LRRTM4: variants seen among roughly 807,000 people sequenced by gnomAD.
LRRTM4 encodes leucine rich repeat transmembrane neuronal 4, also known as leucine-rich repeat transmembrane neuronal protein 4.
LRRTM4 carries 25 observed loss-of-function variants against 47.6 expected under a neutral mutation model. That is an observed-to-expected ratio of 0.53 (90% CI 0.38 to 0.73). The LOEUF (loss-of-function observed/expected upper bound fraction) is 0.73, where lower values mean the gene tolerates loss of function less well. LRRTM4 is among the 30% of genes least tolerant of loss of function. The pLI, the probability that LRRTM4 is intolerant of heterozygous loss-of-function variation, is 0.00. For missense variants in LRRTM4, 638 were observed against 713.4 expected (o/e 0.89, Z 1.20); for synonymous variants, 311 against 269.5 (o/e 1.15, Z -1.51).
At chr2:77,279,886 A>G (rs758866603) in intron 3 of LRRTM4, among the ~76,000 whole-genome samples, 4 of 151,872 alleles carry the variant, frequency 2.6e-5, no homozygotes, top group Admixed American at 6.6e-5. Flanking sequence ...AAAAAACAAT[A>G]CTTGTCTTAG....
intron 3 of LRRTM4, among the ~76,000 whole-genome samples, chr2:77,188,387 A>T (rs1673571662): frequency 6.6e-6 from 1 of 152,010 alleles, no homozygotes; most frequent in Admixed American, 6.6e-5. Context: ...GACTTTGTTA[A>T]TTTTTCCTTC....
intron 3 of LRRTM4, among the ~76,000 whole-genome samples, chr2:76,999,888 T>C (rs751879660): frequency 3.3e-4 from 51 of 152,300 alleles, no homozygotes; most frequent in Middle Eastern, 3.4e-3. Context: ...GTGGTTTTCA[T>C]TCTACCTTAA....
At chr2:76,838,468 T>C (rs770456634) in intron 3 of LRRTM4, among the ~76,000 whole-genome samples, 3 of 152,134 alleles carry the variant, frequency 2.0e-5, no homozygotes, top group Non-Finnish European at 4.4e-5. Context: ...CTATTATTAA[T>C]GATAGTGTAA....
intron 3 of LRRTM4, among the ~76,000 whole-genome samples, chr2:77,102,598 A>G (rs193154877): frequency 1.2e-3 from 179 of 152,326 alleles, no homozygotes; most frequent in Non-Finnish European, 2.2e-3. Context: ...ATATAATACC[A>G]TCATAGGGCA....
chr2:76,948,819 C>T (rs572612500), intron 3 of LRRTM4, among the ~76,000 whole-genome samples: 2 of 151,830 alleles, frequency 1.3e-5, no homozygotes, highest in Admixed American at 1.3e-4. Flanking sequence ...CAGCAATACT[C>T]AATAATGAAA....
rs138889433 is a variant in LRRTM4, at chr2:77,450,285, G to GCACA, written c.1551+68029_1551+68032dup. ...CCGTCTCTCTCTCTCTCTCTGTCAT[G>GCACA]CACACACACACACACACACACACAA... On this transcript the variant is annotated intron_variant, in intron 3 of 3. Coordinates refer to ENST00000409884, the MANE Select transcript of LRRTM4 (RefSeq NM_001134745.3). Among the ~76,000 whole-genome samples, 444 of 143,998 alleles carry GCACA rather than the reference G, an allele frequency of 3.1e-3. 3 individuals carry two copies. The highest frequency in any genetic ancestry group is 7.4e-3 in the Middle Eastern group (2 of 272). The allele number at this position is 143,998 out of a possible 152,430, so 94.5% of individuals were successfully genotyped here.
intron 3 of LRRTM4, among the ~76,000 whole-genome samples, chr2:77,488,239 C>T (rs1469544191): frequency 6.6e-6 from 1 of 152,204 alleles, no homozygotes; most frequent in Non-Finnish European, 1.5e-5. Flanking sequence ...GGTGCCAGCA[C>T]TGGAAGCCAC....
chr2:76,877,360 G>T (rs2104086213), intron 3 of LRRTM4, among the ~76,000 whole-genome samples: 1 of 149,270 alleles, frequency 6.7e-6, no homozygotes, highest in South Asian at 2.1e-4. Flanking sequence ...AATGATTTTG[G>T]TAGCAAAATT....
chr2:76,964,371 T>C (rs1241404437), intron 3 of LRRTM4, among the ~76,000 whole-genome samples: 3 of 151,016 alleles, frequency 2.0e-5, no homozygotes, highest in African/African-American at 7.3e-5. Context: ...GAGGAAATAA[T>C]TTTACAGATA....
intron 3 of LRRTM4, among the ~76,000 whole-genome samples, chr2:76,865,423 A>C (rs1414224801): frequency 6.6e-6 from 1 of 152,212 alleles, no homozygotes; most frequent in Non-Finnish European, 1.5e-5. Flanking sequence ...GCTATTTTTG[A>C]ATAGGTTTAT....
chr2:77,445,604 C>T (rs1019693209), intron 3 of LRRTM4, among the ~76,000 whole-genome samples: 4 of 151,998 alleles, frequency 2.6e-5, no homozygotes, highest in African/African-American at 9.7e-5. Flanking sequence ...CAATGAAGCA[C>T]ATTTGGAAAT....
At chr2:76,767,049 T>TAAGA (rs148050645) in intron 3 of LRRTM4, among the ~76,000 whole-genome samples, 9,242 of 152,130 alleles carry the variant, frequency 0.061, 907 homozygotes, top group African/African-American at 0.2. Flanking sequence ...AGTGGAGTGG[T>TAAGA]AAGAGATTCC....
chr2:77,075,546 A>G (rs1290341469), intron 3 of LRRTM4, among the ~76,000 whole-genome samples: 2 of 152,108 alleles, frequency 1.3e-5, no homozygotes, highest in East Asian at 1.9e-4. Context: ...TAAGGTCTAC[A>G]TTTTTCTCTC....
At chr2:77,131,462 G>A (rs1373795188) in intron 3 of LRRTM4, among the ~76,000 whole-genome samples, 1 of 152,186 alleles carries the variant, frequency 6.6e-6, no homozygotes, top group African/African-American at 2.4e-5. Context: ...GAGTTAGCCT[G>A]TCTTTTGCTC....
intron 3 of LRRTM4, among the ~76,000 whole-genome samples, chr2:77,256,371 T>C (rs547896634): frequency 1.3e-5 from 2 of 152,222 alleles, no homozygotes; most frequent in African/African-American, 2.4e-5. Context: ...AACAAGCTCA[T>C]CTAAAAAAAC....
At chr2:77,118,820 G>A (rs1033972370) in intron 3 of LRRTM4, among the ~76,000 whole-genome samples, 1 of 151,808 alleles carries the variant, frequency 6.6e-6, no homozygotes, top group Non-Finnish European at 1.5e-5. Context: ...ATGGCATGGA[G>A]ATTCTTTAAA....
chr2:77,216,438 G>T (rs1040027434), intron 3 of LRRTM4, among the ~76,000 whole-genome samples: 1 of 148,092 alleles, frequency 6.8e-6, no homozygotes, highest in African/African-American at 2.5e-5. Flanking sequence ...AGGCCGAGGT[G>T]GGCGGATCAC....
At chr2:77,205,303 C>T (rs542942380) in intron 3 of LRRTM4, among the ~76,000 whole-genome samples, 6 of 151,882 alleles carry the variant, frequency 4.0e-5, no homozygotes, top group African/African-American at 1.2e-4. Context: ...GAAAATAGGA[C>T]GATATCAGAT....
chr2:76,754,975 C>G (rs1263687771), intron 3 of LRRTM4, among the ~76,000 whole-genome samples: 1 of 152,162 alleles, frequency 6.6e-6, no homozygotes, highest in Non-Finnish European at 1.5e-5. Context: ...TCAGCTAAGC[C>G]TAGCTCATAT....
Sources: gnomAD v4.1 joint callset for allele counts (sites outside exome capture counted in the v4.1 genomes callset) on GRCh38, gnomAD v4.1.1 for gene constraint, MANE v1.5 for transcripts, NCBI Gene and HGNC (gene_info 2026-07-23, HGNC 2026-07-21) for gene names.